PARK7: variants seen among roughly 807,000 people sequenced by gnomAD.
The protein encoded by PARK7 is Parkinsonism associated deglycase.
PARK7 carries 14 observed loss-of-function variants against 20.5 expected under a neutral mutation model. That is an observed-to-expected ratio of 0.68 (90% CI 0.45 to 1.07). The LOEUF (loss-of-function observed/expected upper bound fraction) is 1.07. PARK7 is among the 50% of genes least tolerant of loss of function. The pLI is 0.00. For synonymous variants in PARK7, 98 were observed against 84.3 expected (o/e 1.16, Z -0.89); for missense variants, 234 against 238.1 (o/e 0.98, Z 0.11).
At chr1:7,969,596 T>C (rs959460492) in intron 4 of PARK7, among the ~76,000 whole-genome samples, 192 bp downstream of exon 4, 1 of 152,154 alleles carries the variant, frequency 6.6e-6, no homozygotes, top group Admixed American at 6.5e-5. Context: ...TTTTTTTTTT[T>C]TTGAGACAGA....
chr1:7,976,723 A>T (rs1418051436), intron 5 of PARK7, among the ~76,000 whole-genome samples: 1 of 151,972 alleles, frequency 6.6e-6, no homozygotes. Flanking sequence ...TTATTTATTT[A>T]TTTTTTATTT....
intron 5 of PARK7, 100 bp downstream of exon 5, chr1:7,971,063 A>G: frequency 1.6e-6 from 2 of 1,259,408 alleles, no homozygotes; most frequent in Non-Finnish European, 2.3e-6. Flanking sequence ...TTCATAAAGC[A>G]TGCAGGGCAT....
chr1:7,974,401 G>A (rs1015761243), intron 5 of PARK7, among the ~76,000 whole-genome samples: 15 of 152,122 alleles, frequency 9.9e-5, no homozygotes, highest in East Asian at 1.9e-4. Context: ...AGGCCGAGGC[G>A]TGCGGATCAC....
intron 6 of PARK7, among the ~76,000 whole-genome samples, chr1:7,982,335 A>T (rs1005248049): frequency 2.6e-5 from 4 of 151,712 alleles, no homozygotes; most frequent in Admixed American, 6.6e-5. Context: ...AGTCTGGTTT[A>T]AAAAAAATAA....
At chr1:7,968,062 C>A (rs1490090193) in intron 3 of PARK7, among the ~76,000 whole-genome samples, 3 of 151,946 alleles carry the variant, frequency 2.0e-5, no homozygotes, top group Non-Finnish European at 4.4e-5. Flanking sequence ...GTAATCCCAG[C>A]ACTTTGGGAG....
In PARK7 at chr1:7,983,735, C is replaced by T. The variant is rs1052669005; in HGVS notation, c.410-1159C>T. On this transcript the variant is annotated intron_variant, in intron 6 of 6. Transcript: ENST00000338639. Reference sequence around the variant, plus strand: ...GGCATGGATCGAAGGGGCGCACAGCCGGAAGGGAGAGCTGTAATCATGCAG... The same window carrying T: ...GGCATGGATCGAAGGGGCGCACAGCTGGAAGGGAGAGCTGTAATCATGCAG... 2.6e-5 allele frequency among the ~76,000 whole-genome samples: 4 copies of T among 152,154 alleles called. No homozygotes were observed. In the East Asian group the frequency reaches 7.7e-4, roughly 29 times the overall value.
intron 1 of PARK7, among the ~76,000 whole-genome samples, chr1:7,962,550 CATT>C (rs1396787212): frequency 6.6e-6 from 1 of 152,266 alleles, no homozygotes; most frequent in East Asian, 1.9e-4. Context: ...TTAGCACCCT[CATT>C]ATGTTTTCAT....
intron 3 of PARK7, among the ~76,000 whole-genome samples, chr1:7,965,897 C>T (rs1187229754): frequency 6.6e-6 from 1 of 152,186 alleles, no homozygotes; most frequent in Non-Finnish European, 1.5e-5. Context: ...GCAGCCTCAA[C>T]CTCCCAGGTT....
intron 4 of PARK7, among the ~76,000 whole-genome samples, chr1:7,969,934 A>G (rs921145711): frequency 8.5e-5 from 13 of 152,200 alleles, no homozygotes; most frequent in South Asian, 6.2e-4. Flanking sequence ...CTCAACGTCT[A>G]TAATCCCAGT....
At chr1:7,966,137 G>A (rs919455088) in intron 3 of PARK7, among the ~76,000 whole-genome samples, 6 of 151,912 alleles carry the variant, frequency 3.9e-5, no homozygotes, top group Admixed American at 6.6e-5. Flanking sequence ...ACACTCCGTC[G>A]TGCGGTCAGC....
intron 6 of PARK7, among the ~76,000 whole-genome samples, chr1:7,980,223 G>A (rs756179224): frequency 6.6e-6 from 1 of 151,804 alleles, no homozygotes; most frequent in Non-Finnish European, 1.5e-5. Flanking sequence ...CATTTTAAAT[G>A]TAGGAATTTA....
intron 4 of PARK7, among the ~76,000 whole-genome samples, chr1:7,969,975 T>C (rs1299071096): frequency 6.6e-6 from 1 of 152,160 alleles, no homozygotes; most frequent in African/African-American, 2.4e-5. Flanking sequence ...GAGGATTGCT[T>C]GAGGCCAGGA....
intron 2 of PARK7, among the ~76,000 whole-genome samples, chr1:7,964,631 G>A (rs1029053467): frequency 6.6e-6 from 1 of 152,174 alleles, no homozygotes; most frequent in Non-Finnish European, 1.5e-5. Context: ...AGGATAGCCT[G>A]TAGTCAGCAT....
chr1:7,963,083 CTTTTG>C (rs905063392), intron 2 of PARK7, among the ~76,000 whole-genome samples: 9 of 152,070 alleles, frequency 5.9e-5, no homozygotes, highest in African/African-American at 1.9e-4. Context: ...ACCCATTTCT[CTTTTG>C]TTTTGAGCTC....
rs1640773262 is a variant in PARK7, at chr1:7,984,361, T to G, written c.410-533T>G. ...AATAGCCAACCGGCGGGCCTGGAGG[T>G]GCGGGGATGCGGAAGGAAAGTAGTC... On this transcript the variant is annotated intron_variant, in intron 6 of 6. Transcript: ENST00000338639. This position sits in a 1 kb window ranked among gnomAD's most constrained non-coding sequence, Gnocchi z 4.3. Among the ~76,000 whole-genome samples, 1 of 152,084 alleles carries G rather than the reference T, an allele frequency of 6.6e-6. No homozygotes were observed. Among genetic ancestry groups the G allele is most frequent in the Non-Finnish European group, 1.5e-5 (1 of 68,016 alleles).
At position 7,965,369 on chromosome 1, in the gene PARK7, T is replaced by G; in HGVS notation, c.136T>G (p.Cys46Gly). Reference protein sequence around the residue: ...AGLAGKDPVQCSRDVVICPDA... With the variant: ...AGLAGKDPVQGSRDVVICPDA... ...CCTGGCTGGAAAAGACCCAGTACAGTGTAGCCGTGATGTGGTCATTTGTCC... is the reference window on the plus strand; with the variant it reads ...CCTGGCTGGAAAAGACCCAGTACAGGGTAGCCGTGATGTGGTCATTTGTCC... Residue 46 changes from cysteine to glycine, a missense_variant, in exon 3 of 7, where the codon TGT becomes GGT. Transcript: ENST00000338639. The G allele has an allele frequency of 6.2e-7, 1 of 1,614,182 alleles. No homozygotes were observed. The highest frequency in any genetic ancestry group is 8.5e-7 in the Non-Finnish European group (1 of 1,180,034).
intron 3 of PARK7, chr1:7,969,103 C>A: frequency 2.2e-6 from 1 of 464,366 alleles, no homozygotes; most frequent in African/African-American, 2.0e-5. Flanking sequence ...TTATACTACC[C>A]CTGCTACTCT....
intron 5 of PARK7, chr1:7,971,580 G>T: frequency 6.5e-6 from 1 of 154,994 alleles, no homozygotes; most frequent in Admixed American, 6.3e-5. Context: ...CTGCCATTTT[G>T]GTTTTTTCCC....
chr1:7,969,514 G>T, intron 4 of PARK7, 110 bp downstream of exon 4: 1 of 827,188 alleles, frequency 1.2e-6, no homozygotes, highest in East Asian at 2.7e-5. Context: ...CAAATATTTC[G>T]GGAGGAGGCT....
Sources: gnomAD v4.1 joint callset for allele counts (sites outside exome capture counted in the v4.1 genomes callset) on GRCh38, gnomAD v4.1.1 for gene constraint, Gnocchi (gnomAD v3.1) non-coding constraint, MANE v1.5 for transcripts, NCBI Gene and HGNC (gene_info 2026-07-23, HGNC 2026-07-21) for gene names.